The following AGBL1 variants were observed in gnomAD, a reference collection of about 807,000 sequenced individuals.
AGBL1 encodes the protein cytosolic carboxypeptidase 4.
Under a neutral mutation model 118.9 loss-of-function variants are expected in AGBL1, and 130 were observed. That is an observed-to-expected ratio of 1.09 (90% CI 0.95 to 1.26). The LOEUF is 1.26. Ranked by LOEUF, AGBL1 falls within the 50% of genes most tolerant of loss-of-function variation. AGBL1 has a pLI of 0.00. For missense variants in AGBL1, 1,584 were observed against 1,298.1 expected (o/e 1.22, Z -3.38); for synonymous variants, 555 against 478.9 (o/e 1.16, Z -2.08).
At chr15:86,537,364 C>T (rs1227837336) in intron 19 of AGBL1, among the ~76,000 whole-genome samples, 1 of 152,238 alleles carries the variant, frequency 6.6e-6, no homozygotes, top group South Asian at 2.1e-4. Context: ...CTGAGCGAGA[C>T]AGATGGCAAA....
intron 21 of AGBL1, among the ~76,000 whole-genome samples, chr15:86,666,614 G>A (rs2085649581): frequency 1.3e-5 from 2 of 152,134 alleles, no homozygotes; most frequent in South Asian, 2.1e-4. Flanking sequence ...AACAAGGACT[G>A]TGTTAGTGTC....
chr15:86,358,550 T>A (rs1402778265), intron 17 of AGBL1, among the ~76,000 whole-genome samples: 2 of 151,984 alleles, frequency 1.3e-5, no homozygotes, highest in Non-Finnish European at 2.9e-5. Flanking sequence ...TACCTAGAAG[T>A]GGGATTGCTG....
At chr15:87,011,172 C>G (rs1438093434) in intron 24 of AGBL1, among the ~76,000 whole-genome samples, 2 of 152,126 alleles carry the variant, frequency 1.3e-5, no homozygotes, top group African/African-American at 4.8e-5. Context: ...TCTTTGCACT[C>G]CCTTCTTCCC....
At chr15:86,713,942 A>G (rs960718601) in intron 22 of AGBL1, among the ~76,000 whole-genome samples, 4 of 152,244 alleles carry the variant, frequency 2.6e-5, no homozygotes, top group Non-Finnish European at 5.9e-5. Context: ...TATGCCATGC[A>G]TGATGGGTGT....
chr15:86,696,196 T>C (rs983527015), intron 22 of AGBL1, among the ~76,000 whole-genome samples: 4 of 152,030 alleles, frequency 2.6e-5, no homozygotes, highest in Non-Finnish European at 5.9e-5. Flanking sequence ...TTCCCCACTA[T>C]TATTGTGTTG....
intron 6 of AGBL1, among the ~76,000 whole-genome samples, chr15:86,233,108 G>A (rs373829263): frequency 6.6e-6 from 1 of 152,242 alleles, no homozygotes; most frequent in East Asian, 1.9e-4. Context: ...CATGGTAAAC[G>A]AAGAGCTAAA....
At chr15:86,839,568 A>G (rs1346902524) in intron 22 of AGBL1, among the ~76,000 whole-genome samples, 1 of 152,176 alleles carries the variant, frequency 6.6e-6, no homozygotes, top group Non-Finnish European at 1.5e-5. Flanking sequence ...TTCTGTTATT[A>G]GGGATTATGT....
intron 17 of AGBL1, among the ~76,000 whole-genome samples, chr15:86,303,100 A>T (rs930699887): frequency 6.6e-6 from 1 of 152,206 alleles, no homozygotes; most frequent in East Asian, 1.9e-4. Flanking sequence ...TCTTAGACTT[A>T]CTGGGGTTCA....
chr15:86,960,743 T>C (rs1408840165), intron 23 of AGBL1, among the ~76,000 whole-genome samples: 1 of 152,010 alleles, frequency 6.6e-6, no homozygotes, highest in Non-Finnish European at 1.5e-5. Context: ...AATGGACACT[T>C]AGCCATTACT....
intron 19 of AGBL1, among the ~76,000 whole-genome samples, chr15:86,541,082 C>T (rs2083488597): frequency 6.6e-6 from 1 of 152,182 alleles, no homozygotes; most frequent in Admixed American, 6.5e-5. Flanking sequence ...TTTGTTTGCA[C>T]ACTTTTCATA....
intron 17 of AGBL1, among the ~76,000 whole-genome samples, chr15:86,368,020 G>T (rs1271960565): frequency 2.0e-5 from 3 of 152,054 alleles, no homozygotes; most frequent in Non-Finnish European, 4.4e-5. Context: ...GTCTGGAGCT[G>T]GGTTTGGTTC....
chr15:86,120,502 G>GC (rs1898030361), intron 1 of AGBL1, among the ~76,000 whole-genome samples: 5 of 152,172 alleles, frequency 3.3e-5, no homozygotes, highest in Admixed American at 3.3e-4. Flanking sequence ...TGGTAGATGT[G>GC]CCCTCTTAGA....
chr15:86,701,215 G>T (rs959343996), intron 22 of AGBL1, among the ~76,000 whole-genome samples: 82 of 152,188 alleles, frequency 5.4e-4, no homozygotes, highest in African/African-American at 1.8e-3. Flanking sequence ...GTAAGGAAAT[G>T]GAGTAATTAT....
intron 1 of AGBL1, chr15:86,080,283 A>G (rs1348654498): frequency 3.0e-6 from 1 of 334,086 alleles, no homozygotes; most frequent in African/African-American, 2.1e-5. Context: ...AAAAGATCCG[A>G]GTTTTCTAGA....
chr15:86,960,378 G>A (rs944210052), intron 23 of AGBL1, among the ~76,000 whole-genome samples: 1 of 151,960 alleles, frequency 6.6e-6, no homozygotes, highest in Non-Finnish European at 1.5e-5. Flanking sequence ...AAATTATCTG[G>A]TTGAAATGAG....
chr15:86,346,139 T>C (rs762708682), intron 17 of AGBL1, among the ~76,000 whole-genome samples: 3 of 151,312 alleles, frequency 2.0e-5, no homozygotes, highest in Non-Finnish European at 4.4e-5. Context: ...TGTGCCACCA[T>C]ACCCAGCTAA....
intron 13 of AGBL1, among the ~76,000 whole-genome samples, chr15:86,267,886 C>G (rs986215454): frequency 1.1e-4 from 17 of 152,190 alleles, no homozygotes; most frequent in African/African-American, 4.1e-4. Context: ...AGACAGACAT[C>G]AGAATCAGAG....
chr15:86,855,911 G>T (rs2079473601), intron 22 of AGBL1, among the ~76,000 whole-genome samples: 1 of 152,116 alleles, frequency 6.6e-6, no homozygotes, highest in Admixed American at 6.5e-5. Flanking sequence ...CTGATGAGAG[G>T]GTCTGATTAG....
rs567838765 is a variant in AGBL1, at chr15:86,137,192, G to A, written c.52-4812G>A. ...CTGATCACCATAATGTTTACTTAAA[G>A]TAAAACCATTTGTGCTGCTCCATTC... On this transcript the variant is annotated intron_variant, in intron 1 of 22. Transcript: ENST00000614907. Among the ~76,000 whole-genome samples the A allele has an allele frequency of 7.2e-4, 109 of 152,252 alleles. 1 individual carries two copies. Among genetic ancestry groups the A allele is most frequent in the African/African-American group, 2.5e-3 (105 of 41,544 alleles).
Sources: allele counts gnomAD v4.1 joint callset (sites outside exome capture counted in the v4.1 genomes callset), GRCh38; gene constraint gnomAD v4.1.1; transcripts MANE v1.5; gene names NCBI Gene and HGNC (gene_info 2026-07-23, HGNC 2026-07-21).